Variants in CR1 observed in about 807,000 individuals in gnomAD.
The protein encoded by CR1 is complement C3b/C4b receptor 1 (Knops blood group), also known as complement receptor type 1.
In CR1, 116 loss-of-function variants were observed where a neutral mutation model predicts 187.3. The observed-to-expected ratio is 0.62, with a 90% CI of 0.53 to 0.72. The LOEUF is 0.72. CR1 is among the 30% of genes least tolerant of loss of function. The pLI, the probability that CR1 is intolerant of heterozygous loss-of-function variation, is 0.00. For synonymous variants in CR1, 576 were observed against 747.1 expected, an observed-to-expected ratio of 0.77 and a Z score of 3.73; for missense variants, 1,731 against 2,110.7, an observed-to-expected ratio of 0.82 and a Z score of 3.52.
In CR1 at chr1:207,587,305, A is replaced by G. The variant is rs936322197; in HGVS notation, c.5531-81A>G. The G allele has an allele frequency of 5.8e-6, 7 of 1,217,014 alleles. No homozygotes were observed. The African/African-American group carries it at 9.1e-5, about 16-fold the overall frequency. 75.4% of individuals were successfully genotyped at this position (1,217,014 alleles called of 1,614,324 possible). A position where few individuals can be genotyped will look rare whatever the true frequency, so the allele number is the denominator to read the frequency against. ...GTCTCTTTGTTTCTGTGATCCACCT[A>G]TCAGCTTAATTGAAGAGAAAGAGGA... On this transcript the variant is annotated intron_variant, in intron 33 of 46. Coordinates refer to ENST00000367049, the MANE Select transcript of CR1 (RefSeq NM_000651.6).
chr1:207,501,810 C>G (rs1014266960), intron 1 of CR1, among the ~76,000 whole-genome samples: 1 of 152,092 alleles, frequency 6.6e-6, no homozygotes, highest in African/African-American at 2.4e-5. Flanking sequence ...TTCCTTTGTC[C>G]GGCATCAATG....
intron 42 of CR1, 124 bp from the exon 43 acceptor site, chr1:207,619,756 T>G (rs988848647): frequency 1.1e-5 from 8 of 732,046 alleles, no homozygotes; most frequent in Non-Finnish European, 1.8e-5. Flanking sequence ...TAGTAACATG[T>G]TTAAAAACAT....
chr1:207,595,800 T>G (rs1427110852), intron 35 of CR1, among the ~76,000 whole-genome samples: 1 of 151,178 alleles, frequency 6.6e-6, no homozygotes, highest in East Asian at 1.9e-4. Flanking sequence ...TTAAATGGGG[T>G]CACTAAAACT....
At chr1:207,565,698 G>A in intron 23 of CR1, 140 bp from the exon 24 acceptor site, 1 of 1,123,648 alleles carries the variant, frequency 8.9e-7, no homozygotes, top group African/African-American at 1.6e-5. Context: ...GATTTTTCCA[G>A]AATAAGGTAG....
chr1:207,582,592 C>T (rs965305877), intron 32 of CR1, among the ~76,000 whole-genome samples: 1 of 152,018 alleles, frequency 6.6e-6, no homozygotes, highest in Non-Finnish European at 1.5e-5. Flanking sequence ...AGCTGAGGAC[C>T]CAAAAGGCAA....
chr1:207,503,432 A>T, intron 1 of CR1, among the ~76,000 whole-genome samples: 1 of 152,168 alleles, frequency 6.6e-6, no homozygotes, highest in East Asian at 1.9e-4. Context: ...CTGACGTCTA[A>T]AATAGATCCA....
chr1:207,592,136 A>C (rs369380214), intron 35 of CR1, among the ~76,000 whole-genome samples: 1 of 152,178 alleles, frequency 6.6e-6, no homozygotes, highest in Non-Finnish European at 1.5e-5. Flanking sequence ...GCAGAGACAC[A>C]ATAAAAAAGG....
chr1:207,579,017 A>G lies in CR1; in HGVS notation c.4936+814A>G, dbSNP rs181875929. 1.4e-3 allele frequency among the ~76,000 whole-genome samples: 217 copies of G among 152,352 alleles called. 1 individual carries two copies. The highest frequency in any genetic ancestry group is 3.9e-3 in the South Asian group (19 of 4,828). ...TCCCTAGGAGTCTAAGTCAAGAGTG[A>G]AAGTAACTTGTTCAAAGTCAGTTAA... is the stretch of plus-strand genomic sequence containing the variant. On this transcript the variant is annotated intron_variant, in intron 29 of 46. Transcript: ENST00000367049.
At chr1:207,580,447 C>T (rs1291647848) in intron 30 of CR1, 31 bp downstream of exon 30, 6 of 1,608,742 alleles carry the variant, frequency 3.7e-6, no homozygotes, top group Middle Eastern at 1.7e-4. Flanking sequence ...CCAGATTTCT[C>T]TCTTTACCCC....
Position 207,496,340 on chromosome 1 carries a change from G to T in CR1, c.73G>T (p.Gly25Ter). 6.2e-7 allele frequency: 1 copy of T among 1,613,180 alleles called. No individual in the cohort carries two copies. The highest frequency in any genetic ancestry group is 8.5e-7 in the Non-Finnish European group (1 of 1,179,734). ...GCCCGGTCTCCCCTTCTGCTGCGGA[G>T]GATCCCTGCTGGCGGTTGTGGTGCT... ...PAPGLPFCCG[G>*]SLLAVVVLLA... Residue 25 changes from glycine (G) to a stop codon, truncating the protein, a stop_gained, in exon 1 of 47, where the codon GGA becomes TGA. Transcript: ENST00000367049. LOFTEE classifies it high-confidence loss of function.
At chr1:207,596,366 C>A (rs926362861) in intron 35 of CR1, among the ~76,000 whole-genome samples, 5 of 152,110 alleles carry the variant, frequency 3.3e-5, no homozygotes, top group African/African-American at 1.2e-4. Context: ...GTAATCCCAG[C>A]ACTTTGGGAG....
chr1:207,581,057 A>G (rs1486908403), intron 31 of CR1, among the ~76,000 whole-genome samples: 2 of 152,190 alleles, frequency 1.3e-5, no homozygotes, highest in East Asian at 3.9e-4. Flanking sequence ...AGTAAGGCAC[A>G]AAGGAAAAAC....
chr1:207,520,907 T>C (rs1659955151), intron 4 of CR1, among the ~76,000 whole-genome samples: 1 of 151,818 alleles, frequency 6.6e-6, no homozygotes, highest in Admixed American at 6.6e-5. Flanking sequence ...TATTATTGTG[T>C]TGTGTCTAGG....
chr1:207,616,497 C>A, intron 40 of CR1, 78 bp from the exon 41 acceptor site: 1 of 1,466,128 alleles, frequency 6.8e-7, no homozygotes, highest in Non-Finnish European at 9.3e-7. Context: ...TTTTTAAGCG[C>A]ACAGTCACAG....
At chr1:207,623,401 G>A (rs1445196179) in intron 45 of CR1, among the ~76,000 whole-genome samples, 1 of 152,092 alleles carries the variant, frequency 6.6e-6, no homozygotes, top group Non-Finnish European at 1.5e-5. Context: ...GGGCAACATG[G>A]TAAAACCCTG....
At chr1:207,516,415 T>C (rs985143020) in intron 4 of CR1, among the ~76,000 whole-genome samples, 1 of 152,230 alleles carries the variant, frequency 6.6e-6, no homozygotes, top group Non-Finnish European at 1.5e-5. Flanking sequence ...CATTAAGATT[T>C]GATATCTGGT....
Position 207,525,013 on chromosome 1 carries a change from G to A in CR1, c.886+1004G>A, listed in dbSNP as rs573208466. On this transcript the variant is annotated intron_variant, in intron 5 of 46. Transcript: ENST00000367049. ...ACCCCTCAGGAAAGTTACAATCATG[G>A]TGGAAGGTAAAGAGGAAGCACGCAT... Among the ~76,000 whole-genome samples, 10 of 152,172 alleles carry A rather than the reference G, an allele frequency of 6.6e-5. 1 individual carries two copies. In the South Asian group the frequency reaches 1.4e-3, roughly 22 times the overall value.
At chr1:207,589,988 G>A (rs1661224680) in intron 35 of CR1, among the ~76,000 whole-genome samples, 1 of 151,474 alleles carries the variant, frequency 6.6e-6, no homozygotes, top group African/African-American at 2.5e-5. Flanking sequence ...TTTGATTGGT[G>A]TACCTGAAAG....
At chr1:207,611,524 C>T (rs1661928877) in intron 37 of CR1, among the ~76,000 whole-genome samples, 153 bp from the exon 38 acceptor site, 1 of 152,100 alleles carries the variant, frequency 6.6e-6, no homozygotes, top group Admixed American at 6.5e-5. Flanking sequence ...CCTTAGCTTC[C>T]TTGTTAGTGA....
Sources: allele counts gnomAD v4.1 joint callset (sites outside exome capture counted in the v4.1 genomes callset), GRCh38; gene constraint gnomAD v4.1.1; transcripts MANE v1.5; gene names NCBI Gene and HGNC (gene_info 2026-07-23, HGNC 2026-07-21).